The following DNHD1 variants were observed in gnomAD, a reference collection of about 807,000 sequenced individuals.
DNHD1 encodes dynein heavy chain domain-containing protein 1.
Under a neutral mutation model 458.1 loss-of-function variants are expected in DNHD1, and 383 were observed. The ratio of observed to expected loss-of-function variants is 0.84; its 90% CI spans 0.77 to 0.91. The LOEUF (loss-of-function observed/expected upper bound fraction) is 0.91, where lower values mean the gene tolerates loss of function less well. Among genes scored for constraint, DNHD1 ranks in the 40% least tolerant of loss-of-function variants. The probability of loss-of-function intolerance (pLI) is 0.00; values close to 1 mark genes in which losing one functional copy is unlikely to be tolerated. For synonymous variants in DNHD1, 2,203 were observed against 2,376.9 expected, an observed-to-expected ratio of 0.93 and a Z score of 2.13; for missense variants, 5,336 against 5,866.1, an observed-to-expected ratio of 0.91 and a Z score of 2.95.
rs924545651 is a variant in DNHD1, at chr11:6,497,924, T to C, written c.-292T>C. The C allele has an allele frequency of 2.1e-6, 1 of 468,994 alleles. No individual in the cohort carries two copies. Among genetic ancestry groups the C allele is most frequent in the Non-Finnish European group, 3.9e-6 (1 of 257,196 alleles). The allele number at this position is 468,994 out of a possible 1,614,324, so 29.1% of individuals were successfully genotyped here. A position where few individuals can be genotyped will look rare whatever the true frequency, so the allele number is the denominator to read the frequency against. On this transcript the variant is annotated 5_prime_UTR_variant, in exon 3 of 43. Transcript: ENST00000254579. Reference sequence around the variant, plus strand: ...CTCACGTCTGTCTTAGGCCTGCTCCTTACCAGAGTCTTTGGGGAAGCAGTA... The same window carrying C: ...CTCACGTCTGTCTTAGGCCTGCTCCCTACCAGAGTCTTTGGGGAAGCAGTA...
Position 6,563,879 on chromosome 11 carries a change from G to C in DNHD1, c.10039G>C (p.Asp3347His), listed in dbSNP as rs1853636298. Residue 3347 changes from aspartate (D) to histidine (H), a missense_variant, in exon 31 of 43, where the codon GAC becomes CAC. Physicochemically the swap from Asp to His is moderately conservative, Grantham distance 81 (BLOSUM62 -1). Transcript: ENST00000254579. ...GLAHCRGLPT[D>H]LLLQQVEATL... ...GGCGCATTGCCGGGGACTGCCCACGGACCTGCTGCTGCAGCAAGTGGAGGC... is the reference window on the plus strand; with the variant it reads ...GGCGCATTGCCGGGGACTGCCCACGCACCTGCTGCTGCAGCAAGTGGAGGC... 1 of 1,551,726 alleles carries C rather than the reference G, an allele frequency of 6.4e-7. No homozygotes were observed. Among genetic ancestry groups the C allele is most frequent in the African/African-American group, 1.4e-5 (1 of 73,184 alleles).
rs763974639 is a variant in DNHD1 at position 6,509,076 on chromosome 11, T to A, written c.1117T>A (p.Phe373Ile). The change falls in exon 5 of 43, where the codon TTT becomes ATT. Residue 373 changes from phenylalanine to isoleucine, a missense_variant. Phe to Ile is a conservative substitution (Grantham distance 21). Coordinates refer to ENST00000254579, the MANE Select transcript of DNHD1 (RefSeq NM_144666.3). The stretch of plus-strand genomic sequence containing the variant: ...TAAGTATTGCCTCTTACGCAAGTCC[T>A]TTACCTGGTAGGTAATGACGGATAT... ...FFKYCLLRKS[F>I]TCWKKNVRLQ... 1.2e-6 allele frequency: 2 copies of A among 1,614,182 alleles called. No homozygotes were observed. The highest frequency in any genetic ancestry group is 1.7e-6 in the Non-Finnish European group (2 of 1,179,988).
rs776139689 is a variant in DNHD1, at chr11:6,547,864, G to A, written c.6729G>A (p.Glu2243=). ...RLKEEKAPGP[E]DLSYSDPVAQ... ...TCGTGGCCATGGCAACTTTCACAGA[G>A]GACCTCAGCTATAGTGATCCTGTGG... The change falls in exon 22 of 43, where the codon GAG becomes GAA. Residue 2243 remains glutamate (E), a splice_region_variant and synonymous_variant. Coordinates refer to ENST00000254579, the MANE Select transcript of DNHD1 (RefSeq NM_144666.3). 3 of 1,551,654 alleles carry A rather than the reference G, an allele frequency of 1.9e-6. No homozygotes were observed. Among genetic ancestry groups the A allele is most frequent in the South Asian group, 2.4e-5 (2 of 84,052 alleles).
Position 6,571,055 on chromosome 11 carries a change from C to A in DNHD1, c.13543C>A (p.Pro4515Thr). ...CLLQQLKGAPPCPSRRCAAVA... is the reference protein window; with the variant it reads ...CLLQQLKGAPTCPSRRCAAVA... ...GTTGCAGCAGCTGAAGGGCGCACCC[C>A]CGTGCCCCTCCCGCCGCTGTGCTGC... is the stretch of plus-strand genomic sequence containing the variant. The change falls in exon 42 of 43, where the codon CCG becomes ACG. Residue 4515 changes from proline to threonine, a missense_variant. By Grantham distance (38) the Pro-to-Thr change is conservative (BLOSUM62 -1). Transcript: ENST00000254579. The surrounding 1 kb of genome is among the most constrained non-coding windows in gnomAD (Gnocchi z 5.0). 6.3e-7 allele frequency: 1 copy of A among 1,578,620 alleles called. No individual in the cohort carries two copies. Among genetic ancestry groups the A allele is most frequent in the Non-Finnish European group, 8.6e-7 (1 of 1,161,034 alleles).
chr11:6,549,003 T>G, intron 24 of DNHD1, 70 bp downstream of exon 24: 1 of 1,458,984 alleles, frequency 6.9e-7, no homozygotes, highest in Non-Finnish European at 9.2e-7. Context: ...CCTAGCAATA[T>G]TCATTGACTC....
intron 7 of DNHD1, among the ~76,000 whole-genome samples, chr11:6,512,163 A>G (rs1852345409): frequency 6.6e-6 from 1 of 151,478 alleles, no homozygotes; most frequent in Non-Finnish European, 1.5e-5. Flanking sequence ...AGAACTCTGA[A>G]GTCTCAAAAA....
chr11:6,500,785 C>T (rs1157723902), intron 3 of DNHD1, among the ~76,000 whole-genome samples: 2 of 152,138 alleles, frequency 1.3e-5, no homozygotes, highest in Non-Finnish European at 2.9e-5. Flanking sequence ...CTGCAAGATG[C>T]TAGGGATACA....
chr11:6,564,904 T>G (rs1280868494), intron 32 of DNHD1, 100 bp downstream of exon 32: 1 of 1,077,324 alleles, frequency 9.3e-7, no homozygotes, highest in Non-Finnish European at 1.3e-6. Flanking sequence ...ACTGTATTTT[T>G]GTGATCAGGA....
chr11:6,534,097 C>G lies in DNHD1; in HGVS notation c.2922C>G (p.Leu974=). The G allele has an allele frequency of 6.4e-7, 1 of 1,551,482 alleles. No individual in the cohort carries two copies. The highest frequency in any genetic ancestry group is 8.7e-7 in the Non-Finnish European group (1 of 1,146,952). ...ATCAGAGGAGTACTGAGCACCAGCT[C>G]GTCTCCCTAGAGCGTCAGTTCCAGA... is the stretch of plus-strand genomic sequence containing the variant. ...TQDQRSTEHQ[L]VSLERQFQNT... is the part of the protein sequence containing the mutation. The change falls in exon 14 of 43, where the codon CTC becomes CTG. Residue 974 remains leucine (L), a synonymous_variant. Transcript: ENST00000254579.
chr11:6,559,868 T>C (rs150160889), intron 28 of DNHD1, among the ~76,000 whole-genome samples: 1,726 of 152,304 alleles, frequency 0.011, 19 homozygotes, highest in Non-Finnish European at 0.018. Flanking sequence ...AACTTTTCCT[T>C]TCCTCTCTCG....
Position 6,547,161 on chromosome 11 carries a change from A to G in DNHD1, c.6222A>G (p.Thr2074=). The change falls in exon 21 of 43, where the codon ACA becomes ACG. Residue 2074 remains threonine (T), a synonymous_variant. Transcript: ENST00000254579. ...ACAACATGGGCCAAAAGAGGCAGAC[A>G]GAGGAATCAATCGGGATCCAGCACT... The part of the protein sequence containing the change: ...QCNNMGQKRQ[T]EESIGIQHWI... The G allele has an allele frequency of 6.4e-7, 1 of 1,551,802 alleles. No individual in the cohort carries two copies. The highest frequency in any genetic ancestry group is 8.7e-7 in the Non-Finnish European group (1 of 1,147,010).
At chr11:6,535,614 A>G (rs1045959747) in intron 14 of DNHD1, among the ~76,000 whole-genome samples, 5 of 152,262 alleles carry the variant, frequency 3.3e-5, no homozygotes, top group African/African-American at 1.2e-4. Context: ...TGATCACCAA[A>G]GTAAGTACAA....
chr11:6,552,362 A>C (rs2134439388), intron 24 of DNHD1, among the ~76,000 whole-genome samples: 1 of 152,124 alleles, frequency 6.6e-6, no homozygotes, highest in South Asian at 2.1e-4. Context: ...CATCTCTACT[A>C]AAAATACAAA....
rs1174176096 is a variant in DNHD1, at chr11:6,548,377, T to C, written c.7073T>C (p.Leu2358Ser). ...QYLSSHIKGT[L>S]GTFHPSIQTE... ...CTGAGCAGCCACATCAAAGGAACTT[T>C]GGGCACCTTTCACCCTTCTATCCAG... Residue 2358 changes from leucine to serine, a missense_variant, in exon 23 of 43, where the codon TTG (leucine) becomes TCG (serine). Transcript: ENST00000254579. The surrounding 1 kb of genome is among the most constrained non-coding windows in gnomAD (Gnocchi z 4.4). 1 of 1,551,728 alleles carries C rather than the reference T, an allele frequency of 6.4e-7. No homozygotes were observed.
At chr11:6,516,742 G>C (rs964980741) in intron 7 of DNHD1, among the ~76,000 whole-genome samples, 36 of 152,000 alleles carry the variant, frequency 2.4e-4, no homozygotes, top group African/African-American at 8.2e-4. Flanking sequence ...CCATTTAGTA[G>C]GTGCTCAGTA....
chr11:6,534,344 T>A (rs1237925872), intron 14 of DNHD1, 171 bp downstream of exon 14: 1 of 702,212 alleles, frequency 1.4e-6, no homozygotes, highest in Non-Finnish European at 2.3e-6. Context: ...AAACATCATA[T>A]ATTGACCATG....
chr11:6,571,227 C>T lies in DNHD1; in HGVS notation c.13715C>T (p.Ala4572Val), dbSNP rs566961364. The T allele has an allele frequency of 3.1e-6, 5 of 1,611,796 alleles. No homozygotes were observed. The highest frequency in any genetic ancestry group is 3.3e-5 in the Admixed American group (2 of 59,936). Residue 4572 changes from alanine (A) to valine (V), a missense_variant, in exon 42 of 43, where the codon GCG becomes GTG. Ala to Val is a moderately conservative substitution (Grantham distance 64, BLOSUM62 0). Coordinates refer to ENST00000254579, the MANE Select transcript of DNHD1 (RefSeq NM_144666.3). This position sits in a 1 kb window ranked among gnomAD's most constrained non-coding sequence, Gnocchi z 5.0. ...CGTTACTTGGGCGTGGGCGCGGACG[C>T]GAGCAGTGATGTACCAGAGCGCGTC... The part of the protein sequence containing the change: ...LVRYLGVGAD[A>V]SSDVPERVFH...
In DNHD1 at chr11:6,557,956, G is replaced by A. The variant is rs1853504179; in HGVS notation, c.8661G>A (p.Leu2887=). 3.9e-6 allele frequency: 6 copies of A among 1,551,632 alleles called. No individual in the cohort carries two copies. Among genetic ancestry groups the A allele is most frequent in the Middle Eastern group, 1.7e-4 (1 of 5,992 alleles). Reference sequence around the variant, plus strand: ...TGGCCAGGCCCCGGCAGCATGGCCTGCTGCTCTCGGGGGCTCTGGGTACTG... The same window carrying A: ...TGGCCAGGCCCCGGCAGCATGGCCTACTGCTCTCGGGGGCTCTGGGTACTG... ...RVLARPRQHG[L]LLSGALGTGR... The change falls in exon 25 of 43, where the codon CTG becomes CTA. Residue 2887 remains leucine (L), a synonymous_variant. Coordinates refer to ENST00000254579, the MANE Select transcript of DNHD1 (RefSeq NM_144666.3).
rs1853012277 is a variant in DNHD1, at chr11:6,538,401, C to A, written c.3017C>A (p.Pro1006His). The change falls in exon 15 of 43, where the codon CCC becomes CAC. Residue 1006 changes from proline to histidine, a missense_variant. Transcript: ENST00000254579. ...AIFTEDETPVPLPICGTRPIV... is the reference protein window; with the variant it reads ...AIFTEDETPVHLPICGTRPIV... ...CCCACAGAGGATGAGACTCCTGTGC[C>A]CTTGCCAATCTGTGGGACACGTCCT... is the stretch of plus-strand genomic sequence containing the variant. The A allele has an allele frequency of 6.4e-7, 1 of 1,551,740 alleles. No homozygotes were observed. The highest frequency in any genetic ancestry group is 2.0e-5 in the Admixed American group (1 of 51,008).
Sources: allele counts gnomAD v4.1 joint callset (sites outside exome capture counted in the v4.1 genomes callset), GRCh38; gene constraint gnomAD v4.1.1; non-coding constraint Gnocchi (gnomAD v3.1); transcripts MANE v1.5; gene names NCBI Gene and HGNC (gene_info 2026-07-23, HGNC 2026-07-21).